The following SARDH variants were observed in gnomAD, a reference collection of about 807,000 sequenced individuals.
SARDH encodes the protein sarcosine dehydrogenase, mitochondrial.
In SARDH, 95 loss-of-function variants were observed where a neutral mutation model predicts 109.1. The ratio of observed to expected loss-of-function variants is 0.87; its 90% confidence interval spans 0.74 to 1.03. The LOEUF (loss-of-function observed/expected upper bound fraction) is 1.03. SARDH is among the 50% of genes least tolerant of loss of function. The probability of loss-of-function intolerance (pLI) is 0.00; values close to 1 mark genes in which losing one functional copy is unlikely to be tolerated. For missense variants in SARDH, 1,267 were observed against 1,287.8 expected (o/e 0.98, Z 0.25); for synonymous variants, 572 against 534.8 (o/e 1.07, Z -0.96).
chr9:133,734,420 TTCATTCAC>T (rs1439547533), intron 1 of SARDH, among the ~76,000 whole-genome samples: 139 of 64,314 alleles, frequency 2.2e-3, no homozygotes, highest in African/African-American at 3.8e-3. Flanking sequence ...CATTCATTCA[TTCATTCAC>T]TCATTCATTC....
chr9:133,665,416 G>A (rs945696733), intron 20 of SARDH, among the ~76,000 whole-genome samples: 5 of 152,198 alleles, frequency 3.3e-5, no homozygotes, highest in African/African-American at 9.6e-5. Flanking sequence ...AGGAGGCCCT[G>A]CCCACCGTGG....
intron 17 of SARDH, among the ~76,000 whole-genome samples, chr9:133,678,520 T>C (rs534436650): frequency 2.6e-5 from 4 of 152,370 alleles, no homozygotes; most frequent in African/African-American, 9.6e-5. Flanking sequence ...CCCACTTTTC[T>C]GGGGAGGAGC....
intron 18 of SARDH, among the ~76,000 whole-genome samples, chr9:133,670,991 G>A (rs960045744): frequency 1.3e-5 from 2 of 152,154 alleles, no homozygotes; most frequent in African/African-American, 4.8e-5. Context: ...AGGTGGGGGC[G>A]TCAGGGAGGG....
chr9:133,717,263 A>T, intron 8 of SARDH, 63 bp downstream of exon 8: 1 of 1,596,122 alleles, frequency 6.3e-7, no homozygotes, highest in Non-Finnish European at 8.6e-7. Flanking sequence ...GGGCATCACT[A>T]CTAACAGTCA....
At chr9:133,691,888 C>T (rs769885250) in intron 15 of SARDH, among the ~76,000 whole-genome samples, 1 of 152,188 alleles carries the variant, frequency 6.6e-6, no homozygotes, top group African/African-American at 2.4e-5. Flanking sequence ...ATGTGACTCA[C>T]TGTGCTAACT....
Position 133,704,855 on chromosome 9 carries a change from G to A in SARDH, c.1554+93C>T, listed in dbSNP as rs1319999440. 25 of 1,083,346 alleles carry A rather than the reference G, an allele frequency of 2.3e-5. No homozygotes were observed. Among genetic ancestry groups the A allele is most frequent in the Non-Finnish European group, 3.1e-5 (23 of 731,396 alleles). 67.1% of individuals were successfully genotyped at this position (1,083,346 alleles called of 1,614,324 possible). A position where few individuals can be genotyped will look rare whatever the true frequency, so the allele number is the denominator to read the frequency against. ...CAGTGGAACCACCTGGGGAGGCGGG[G>A]CACACGGAGGGGCAAGGACGGGGCA... On this transcript the variant is annotated intron_variant, in intron 12 of 20. Coordinates refer to ENST00000439388, the MANE Select transcript of SARDH (RefSeq NM_001134707.2). This position sits in a 1 kb window ranked among gnomAD's most constrained non-coding sequence, Gnocchi z 4.5.
chr9:133,710,650 A>T (rs1831883470), intron 10 of SARDH, among the ~76,000 whole-genome samples: 1 of 152,200 alleles, frequency 6.6e-6, no homozygotes, highest in South Asian at 2.1e-4. Context: ...CGACTTTCTC[A>T]GGCACCTCCT....
intron 6 of SARDH, among the ~76,000 whole-genome samples, chr9:133,719,889 A>G (rs1832265308): frequency 6.6e-6 from 1 of 151,776 alleles, no homozygotes; most frequent in Non-Finnish European, 1.5e-5. Context: ...AGGCAGGCAG[A>G]TCACGAGGTC....
rs201932097 is a variant in SARDH, at chr9:133,690,514, G to A, written c.1935C>T (p.Tyr645=). ...LAPAFEGDGY[Y]LAMGGAVAQH... is the part of the protein sequence containing the mutation. The stretch of plus-strand genomic sequence containing the variant: ...GGGCCACGGCCCCGCCCATGGCCAG[G>A]TAGTAACCGTCCCCTGGAAGAGAGG... Residue 645 remains tyrosine (Y), a synonymous_variant, in exon 16 of 21, where the codon TAC becomes TAT. Coordinates refer to ENST00000439388, the MANE Select transcript of SARDH (RefSeq NM_001134707.2). 2.0e-5 allele frequency: 32 copies of A among 1,601,922 alleles called. No homozygotes were observed. In the East Asian group the frequency reaches 6.9e-4, roughly 35 times the overall value.
intron 11 of SARDH, among the ~76,000 whole-genome samples, chr9:133,706,633 G>A (rs909557573): frequency 6.6e-6 from 1 of 152,172 alleles, no homozygotes; most frequent in Non-Finnish European, 1.5e-5. Flanking sequence ...TCACAACAAC[G>A]AATGTAATGA....
rs1588442935 is a variant in SARDH, at chr9:133,718,375, T to A, written c.1020+563A>T. 1 of 308,076 alleles carries A rather than the reference T, an allele frequency of 3.2e-6. No individual in the cohort carries two copies. 19.1% of individuals were successfully genotyped at this position (308,076 alleles called of 1,614,324 possible). ...GTGTGAGCCACCGTGCCCAGCCATT[T>A]GTTTGTTTATTGTATGTCTCTCCAC... On this transcript the variant is annotated intron_variant, in intron 7 of 20. Transcript: ENST00000439388. The surrounding 1 kb of genome is among the most constrained non-coding windows in gnomAD (Gnocchi z 4.2).
intron 10 of SARDH, among the ~76,000 whole-genome samples, chr9:133,710,211 G>C (rs936302648): frequency 6.6e-6 from 1 of 152,244 alleles, no homozygotes; most frequent in Non-Finnish European, 1.5e-5. Context: ...CCTCGAGTGC[G>C]CTCCAAGAGG....
intron 19 of SARDH, among the ~76,000 whole-genome samples, chr9:133,668,162 T>G: frequency 6.6e-6 from 1 of 151,464 alleles, no homozygotes. Context: ...AGGGGCCCCC[T>G]CTCCAGGAGC....
At position 133,729,765 on chromosome 9, in the gene SARDH, C is replaced by T. The variant is rs1832608836; in HGVS notation, c.915G>A (p.Gln305=). The change falls in exon 6 of 21, where the codon CAG becomes CAA. Residue 305 remains glutamine, a splice_region_variant and synonymous_variant. Coordinates refer to ENST00000439388, the MANE Select transcript of SARDH (RefSeq NM_001134707.2). ...ACAGAACCCGGGGCTGTCCACCTAC[C>T]TGAATCCCCTCGATGCGCTCGGTGA... The part of the protein sequence containing the change: ...YVVTERIEGI[Q]NMPNVRDHDA... 1.2e-6 allele frequency: 2 copies of T among 1,611,962 alleles called. No individual in the cohort carries two copies. The highest frequency in any genetic ancestry group is 1.7e-5 in the Admixed American group (1 of 59,962).
chr9:133,703,084 C>T, intron 12 of SARDH, 55 bp from the exon 13 acceptor site: 1 of 1,476,588 alleles, frequency 6.8e-7, no homozygotes, highest in South Asian at 1.2e-5. Context: ...CCCCGCTTCC[C>T]TCCCCAGAGC....
intron 16 of SARDH, 109 bp from the exon 17 acceptor site, chr9:133,685,395 G>A (rs1830850761): frequency 2.8e-6 from 2 of 722,344 alleles, no homozygotes; most frequent in African/African-American, 1.8e-5. Context: ...GTCCTCATGA[G>A]ACAGATGACA....
At chr9:133,715,546 T>C (rs1051568200) in intron 8 of SARDH, among the ~76,000 whole-genome samples, 1 of 152,100 alleles carries the variant, frequency 6.6e-6, no homozygotes, top group Admixed American at 6.5e-5. Flanking sequence ...AGGAGTCGAA[T>C]TCATTCAAGT....
intron 17 of SARDH, among the ~76,000 whole-genome samples, chr9:133,681,497 G>A (rs1435459629): frequency 6.6e-6 from 1 of 152,194 alleles, no homozygotes; most frequent in African/African-American, 2.4e-5. Flanking sequence ...GGCTGTGGCT[G>A]CAGGTCCCTT....
At chr9:133,672,791 G>A (rs1338683766) in intron 17 of SARDH, among the ~76,000 whole-genome samples, 1 of 152,254 alleles carries the variant, frequency 6.6e-6, no homozygotes, top group Non-Finnish European at 1.5e-5. Flanking sequence ...CAGGCTAGCA[G>A]GCAGACCAGG....
Sources: gnomAD v4.1 joint callset for allele counts (sites outside exome capture counted in the v4.1 genomes callset) on GRCh38, gnomAD v4.1.1 for gene constraint, Gnocchi (gnomAD v3.1) non-coding constraint, MANE v1.5 for transcripts, NCBI Gene and HGNC (gene_info 2026-07-23, HGNC 2026-07-21) for gene names.